The following SYNPR variants were observed in gnomAD, a reference collection of about 807,000 sequenced individuals.
SYNPR encodes synaptoporin.
Under a neutral mutation model 32.9 loss-of-function variants are expected in SYNPR, and 23 were observed. The observed-to-expected ratio is 0.70, with a 90% CI of 0.50 to 0.99. The LOEUF is 0.99. Ranked by LOEUF, SYNPR falls within the 50% of genes least tolerant of loss-of-function variation. The probability of loss-of-function intolerance (pLI) is 0.00; values close to 1 mark genes in which losing one functional copy is unlikely to be tolerated. For synonymous variants in SYNPR, 146 were observed against 135.9 expected (o/e 1.07, Z -0.52); for missense variants, 318 against 349.3 (o/e 0.91, Z 0.71).
At chr3:63,267,687 T>C (rs17067998) in intron 3 of SYNPR, among the ~76,000 whole-genome samples, 2,416 of 152,318 alleles carry the variant, frequency 0.016, 55 homozygotes, top group African/African-American at 0.054. Flanking sequence ...CTTGCCTCCA[T>C]TAGGCCCTGG....
At chr3:63,415,060 C>G (rs1033414082) in intron 2 of SYNPR, among the ~76,000 whole-genome samples, 1 of 152,082 alleles carries the variant, frequency 6.6e-6, no homozygotes, top group Non-Finnish European at 1.5e-5. Flanking sequence ...ATTACATAAA[C>G]TTAAAATTGA....
intron 5 of SYNPR, among the ~76,000 whole-genome samples, chr3:63,612,908 C>T (rs1251133577): frequency 6.9e-6 from 1 of 145,804 alleles, no homozygotes; most frequent in Admixed American, 6.9e-5. Context: ...CCCTCCTCTC[C>T]TCTCCTCTCT....
chr3:63,409,558 G>A (rs2088434235), intron 2 of SYNPR, among the ~76,000 whole-genome samples: 1 of 152,088 alleles, frequency 6.6e-6, no homozygotes, highest in South Asian at 2.1e-4. Context: ...TGAGGACCAT[G>A]GTGGTCAAGT....
intron 2 of SYNPR, among the ~76,000 whole-genome samples, chr3:63,353,884 T>G (rs2087541719): frequency 6.6e-6 from 1 of 152,234 alleles, no homozygotes. Context: ...TTATTTGCAC[T>G]TCAAGCTTTG....
At chr3:63,523,752 G>A (rs966280646) in intron 3 of SYNPR, among the ~76,000 whole-genome samples, 2 of 152,094 alleles carry the variant, frequency 1.3e-5, no homozygotes, top group South Asian at 4.2e-4. Context: ...TTTGCATGTC[G>A]AGTCTTAGAA....
chr3:63,240,647 A>G (rs987866249), intron 1 of SYNPR, among the ~76,000 whole-genome samples: 2 of 152,168 alleles, frequency 1.3e-5, no homozygotes, highest in Admixed American at 1.3e-4. Context: ...AACTCATAAC[A>G]TGCACTGTGA....
intron 2 of SYNPR, among the ~76,000 whole-genome samples, chr3:63,325,134 G>A (rs2087152509): frequency 6.6e-6 from 1 of 152,054 alleles, no homozygotes; most frequent in South Asian, 2.1e-4. Context: ...TTCTCTGCTA[G>A]TATAGTATTA....
At chr3:63,377,083 A>T (rs2087905038) in intron 2 of SYNPR, among the ~76,000 whole-genome samples, 1 of 152,204 alleles carries the variant, frequency 6.6e-6, no homozygotes, top group South Asian at 2.1e-4. Flanking sequence ...AGTTGAGGAA[A>T]TGATTTCATT....
intron 3 of SYNPR, among the ~76,000 whole-genome samples, chr3:63,497,400 C>A (rs1701392295): frequency 6.6e-6 from 1 of 152,084 alleles, no homozygotes; most frequent in Admixed American, 6.6e-5. Flanking sequence ...TAATTTTAAA[C>A]AATTTATTCT....
chr3:63,471,960 T>G (rs1210074160), intron 2 of SYNPR, among the ~76,000 whole-genome samples: 1 of 152,186 alleles, frequency 6.6e-6, no homozygotes, highest in Non-Finnish European at 1.5e-5. Flanking sequence ...CCTACTCACA[T>G]CAGGCTTTTC....
At chr3:63,518,056 A>C (rs1182397488) in intron 3 of SYNPR, among the ~76,000 whole-genome samples, 1 of 152,192 alleles carries the variant, frequency 6.6e-6, no homozygotes, top group Non-Finnish European at 1.5e-5. Flanking sequence ...CAGTGGCCCC[A>C]GGGTGTGTCA....
chr3:63,438,793 T>A (rs1412878608), intron 2 of SYNPR, among the ~76,000 whole-genome samples: 7 of 152,220 alleles, frequency 4.6e-5, no homozygotes, highest in Non-Finnish European at 1.0e-4. Context: ...TGGATGTAAG[T>A]GCTCTCACTG....
intron 3 of SYNPR, among the ~76,000 whole-genome samples, chr3:63,542,607 G>T (rs2106806767): frequency 6.6e-6 from 1 of 152,208 alleles, no homozygotes; most frequent in East Asian, 1.9e-4. Flanking sequence ...ACTTTAGACA[G>T]GGCTCCTCTC....
intron 3 of SYNPR, among the ~76,000 whole-genome samples, chr3:63,534,618 C>A (rs112324706): frequency 1.3e-5 from 2 of 152,092 alleles, no homozygotes; most frequent in African/African-American, 4.8e-5. Flanking sequence ...ATAGCCGAGA[C>A]TGAGTAGTCT....
At chr3:63,210,795 CCCTTCCTT>C in the SYNPR span, among the ~76,000 whole-genome samples, 145 of 143,936 alleles carry the variant, frequency 1.0e-3, 1 homozygote, top group Admixed American at 3.8e-3. Flanking sequence ...CCATTTTCCT[CCCTTCCTT>C]CCTTCCTTCC....
At chr3:63,466,383 ATCT>A (rs915631152) in intron 2 of SYNPR, among the ~76,000 whole-genome samples, 30 of 151,746 alleles carry the variant, frequency 2.0e-4, no homozygotes, top group African/African-American at 6.3e-4. Context: ...GTCATTTCAC[ATCT>A]TCTTCTCTCT....
chr3:63,441,381 C>A (rs1044651992), intron 2 of SYNPR, among the ~76,000 whole-genome samples: 1 of 152,146 alleles, frequency 6.6e-6, no homozygotes, highest in Non-Finnish European at 1.5e-5. Context: ...CGTGAAGAAA[C>A]AATTAAGTAT....
chr3:63,598,946 C>T (rs944533816), intron 4 of SYNPR, among the ~76,000 whole-genome samples: 14 of 152,320 alleles, frequency 9.2e-5, no homozygotes, highest in African/African-American at 3.4e-4. Flanking sequence ...CAGAAGAAAT[C>T]CACTTCTCAA....
At chr3:63,494,404 T>TATATATATATACAC (rs1553641132) in intron 3 of SYNPR, among the ~76,000 whole-genome samples, 118 of 102,240 alleles carry the variant, frequency 1.2e-3, no homozygotes, top group Middle Eastern at 4.9e-3. Context: ...TATATATATA[T>TATATATATATACAC]ATATATATAT....
Sources: gnomAD v4.1 joint callset for allele counts (sites outside exome capture counted in the v4.1 genomes callset) on GRCh38, gnomAD v4.1.1 for gene constraint, MANE v1.5 for transcripts, NCBI Gene and HGNC (gene_info 2026-07-23, HGNC 2026-07-21) for gene names.